Variants in NAV3 observed in about 807,000 individuals in gnomAD.
NAV3 encodes the protein pore membrane and/or filament interacting like protein 1.
NAV3 carries 87 observed loss-of-function variants against 244.7 expected under a neutral mutation model. That is an observed-to-expected ratio of 0.36 (90% CI 0.30 to 0.42). The LOEUF (loss-of-function observed/expected upper bound fraction) is 0.42. Among genes scored for constraint, NAV3 ranks in the 20% least tolerant of loss-of-function variants. The probability of loss-of-function intolerance (pLI) is 1.00; values close to 1 mark genes in which losing one functional copy is unlikely to be tolerated. For synonymous variants in NAV3, 1,126 were observed against 1,042.2 expected (o/e 1.08, Z -1.55); for missense variants, 2,663 against 2,893.3 (o/e 0.92, Z 1.83).
intron 2 of NAV3, among the ~76,000 whole-genome samples, chr12:77,780,283 C>T (rs910175394): frequency 6.6e-6 from 1 of 152,138 alleles, no homozygotes; most frequent in Non-Finnish European, 1.5e-5. Context: ...ATCTAGAGCC[C>T]TCACAGGTTA....
At chr12:77,685,506 C>CACACACACACACACACACACACACAT (rs34407806) in intron 2 of NAV3, among the ~76,000 whole-genome samples, 1 of 150,606 alleles carries the variant, frequency 6.6e-6, no homozygotes, top group East Asian at 1.9e-4. Flanking sequence ...CACACACACA[C>CACACACACACACACACACACACACAT]ATACCCACAC....
At chr12:78,159,326 G>T in intron 23 of NAV3, 40 bp downstream of exon 23, 1 of 1,501,552 alleles carries the variant, frequency 6.7e-7, no homozygotes, top group Non-Finnish European at 9.3e-7. Context: ...AAAGAAGACA[G>T]CAAATTGCAT....
At chr12:77,591,740 A>G (rs1465650967) in intron 2 of NAV3, among the ~76,000 whole-genome samples, 1 of 152,194 alleles carries the variant, frequency 6.6e-6, no homozygotes, top group African/African-American at 2.4e-5. Flanking sequence ...ATGCCCATGT[A>G]TTTATATTAA....
At chr12:77,623,546 C>T in intron 2 of NAV3, among the ~76,000 whole-genome samples, 1 of 152,134 alleles carries the variant, frequency 6.6e-6, no homozygotes, top group East Asian at 1.9e-4. Flanking sequence ...AGTTTAGATG[C>T]ATATTATCTA....
chr12:78,154,280 T>TA (rs1565731060), intron 22 of NAV3, among the ~76,000 whole-genome samples: 29 of 70,940 alleles, frequency 4.1e-4, no homozygotes, highest in South Asian at 6.9e-4. Flanking sequence ...TATATTACTA[T>TA]ATATACTACT....
chr12:78,066,199 G>C (rs1885002031), intron 12 of NAV3, among the ~76,000 whole-genome samples: 1 of 152,054 alleles, frequency 6.6e-6, no homozygotes, highest in South Asian at 2.1e-4. Context: ...CAAATCTGCT[G>C]GCACCTTGAT....
chr12:77,622,775 A>G lies in NAV3; in HGVS notation c.72+50509A>G, dbSNP rs1871435804. On this transcript the variant is annotated intron_variant, in intron 2 of 8. Transcript: ENST00000550042. ...TTAATTTTGATATAGAGAATTTATG[A>G]AACATAAAGTTGGATGACATATATA... is the stretch of plus-strand genomic sequence containing the variant. Among the ~76,000 whole-genome samples, 4 of 152,156 alleles carry G rather than the reference A, an allele frequency of 2.6e-5. No individual in the cohort carries two copies. In the South Asian group the frequency reaches 8.3e-4, roughly 31 times the overall value.
intron 2 of NAV3, among the ~76,000 whole-genome samples, chr12:77,659,154 C>T (rs1873293841): frequency 6.6e-6 from 1 of 151,562 alleles, no homozygotes; most frequent in South Asian, 2.1e-4. Context: ...AAAGAAACTA[C>T]CATCAGAGTG....
rs1887819575 is a variant in NAV3 at position 77,922,607 on chromosome 12, T to C, written c.244-17712T>C. ...CTGTTCCAGCTTAGGATCCCACCTA[T>C]GTCCAGCATTGACTTTACTCTTGTC... On this transcript the variant is annotated intron_variant, in intron 1 of 39. Coordinates refer to ENST00000397909, the MANE Select transcript of NAV3 (RefSeq NM_001024383.2). 1.3e-5 allele frequency among the ~76,000 whole-genome samples: 2 copies of C among 152,152 alleles called. 1 individual carries two copies. Among genetic ancestry groups the C allele is most frequent in the South Asian group, 4.1e-4 (2 of 4,836 alleles).
intron 1 of NAV3, among the ~76,000 whole-genome samples, chr12:77,884,918 G>T (rs1336583558): frequency 6.6e-6 from 1 of 152,024 alleles, no homozygotes; most frequent in Non-Finnish European, 1.5e-5. Context: ...AATTATTAAT[G>T]AATTTCTCCC....
chr12:77,684,498 T>A (rs1874623607), intron 2 of NAV3, among the ~76,000 whole-genome samples: 1 of 151,894 alleles, frequency 6.6e-6, no homozygotes. Flanking sequence ...TCTTTTTTAT[T>A]TTTTTATAGA....
At chr12:77,838,881 A>AAT (rs1875127260) in intron 1 of NAV3, among the ~76,000 whole-genome samples, 1 of 152,222 alleles carries the variant, frequency 6.6e-6, no homozygotes, top group Admixed American at 6.5e-5. Context: ...AAATGAAATG[A>AAT]AATGAGGATA....
intron 39 of NAV3, among the ~76,000 whole-genome samples, chr12:78,206,411 ATTAT>A (rs1960311576): frequency 1.3e-5 from 2 of 152,144 alleles, no homozygotes; most frequent in South Asian, 4.1e-4. Context: ...ATGAGTATGG[ATTAT>A]TTAATCTGAA....
chr12:77,908,454 A>G (rs1002391958), intron 1 of NAV3, among the ~76,000 whole-genome samples: 3 of 152,086 alleles, frequency 2.0e-5, no homozygotes, highest in Admixed American at 6.6e-5. Flanking sequence ...ATGCACATAA[A>G]TGTGCTTTCT....
chr12:78,145,308 A>G (rs565079126), intron 20 of NAV3, among the ~76,000 whole-genome samples: 91 of 152,202 alleles, frequency 6.0e-4, no homozygotes, highest in Non-Finnish European at 1.1e-3. Context: ...TAGGGAAGAC[A>G]AAGCTCAGGT....
chr12:77,980,131 T>C (rs1869298503), intron 5 of NAV3, among the ~76,000 whole-genome samples: 1 of 152,130 alleles, frequency 6.6e-6, no homozygotes, highest in African/African-American at 2.4e-5. Flanking sequence ...TCTGATAAGT[T>C]TCAGTTCCTT....
intron 2 of NAV3, among the ~76,000 whole-genome samples, chr12:77,729,198 A>G (rs113358976): frequency 6.6e-6 from 1 of 151,930 alleles, no homozygotes; most frequent in African/African-American, 2.4e-5. Context: ...TGGCACCCCA[A>G]TCCCTGTGTT....
chr12:77,797,524 GT>G (rs33912743), intron 2 of NAV3, among the ~76,000 whole-genome samples: 49,159 of 99,166 alleles, frequency 0.5, 10,913 homozygotes, highest in Middle Eastern at 0.56. Flanking sequence ...TCTTTAAAAA[GT>G]TTTTTTTTTT....
upstream of NAV3, among the ~76,000 whole-genome samples, chr12:77,826,455 G>A (rs1053359854): frequency 1.3e-5 from 2 of 152,106 alleles, no homozygotes; most frequent in Non-Finnish European, 2.9e-5. Flanking sequence ...TCACACCACT[G>A]CACTCCAGCC....
Sources: gnomAD v4.1 joint callset for allele counts (sites outside exome capture counted in the v4.1 genomes callset) on GRCh38, gnomAD v4.1.1 for gene constraint, MANE v1.5 for transcripts, NCBI Gene and HGNC (gene_info 2026-07-23, HGNC 2026-07-21) for gene names.